The following CSTF3 variants were observed in gnomAD, a reference collection of about 807,000 sequenced individuals.
CSTF3 encodes cleavage stimulation factor subunit 3, also known as CF-1 77 kDa subunit.
Under a neutral mutation model 105.8 loss-of-function variants are expected in CSTF3, and 29 were observed. That is an observed-to-expected ratio of 0.27 (90% CI 0.20 to 0.37). The LOEUF (loss-of-function observed/expected upper bound fraction) is 0.37, where lower values mean the gene tolerates loss of function less well. Ranked by LOEUF, CSTF3 falls within the 10% of genes least tolerant of loss-of-function variation. CSTF3 has a pLI of 1.00. For missense variants in CSTF3, 357 were observed against 879.3 expected, an observed-to-expected ratio of 0.41 and a Z score of 7.51; for synonymous variants, 252 against 281.9, an observed-to-expected ratio of 0.89 and a Z score of 1.06.
At chr11:33,116,232 A>G (rs1367384320) in intron 3 of CSTF3, among the ~76,000 whole-genome samples, 1 of 152,194 alleles carries the variant, frequency 6.6e-6, no homozygotes, top group East Asian at 1.9e-4. Flanking sequence ...AGCCAACTAA[A>G]AAGTATTTGT....
intron 1 of CSTF3, among the ~76,000 whole-genome samples, chr11:33,146,950 G>A (rs188512451): frequency 8.5e-5 from 13 of 152,184 alleles, no homozygotes; most frequent in South Asian, 4.1e-4. Flanking sequence ...AGGACCGCTT[G>A]AGGCCAGAAG....
chr11:33,155,864 TA>T (rs140148744), intron 1 of CSTF3, among the ~76,000 whole-genome samples: 19,736 of 148,868 alleles, frequency 0.13, 2,993 homozygotes, highest in African/African-American at 0.38. Context: ...ATCGAAGATT[TA>T]AAAAAAAAAG....
intron 10 of CSTF3, among the ~76,000 whole-genome samples, chr11:33,101,320 G>C (rs1178414889): frequency 6.6e-6 from 1 of 152,108 alleles, no homozygotes; most frequent in African/African-American, 2.4e-5. Context: ...ACATACACAG[G>C]GAAGAATACA....
intron 1 of CSTF3, among the ~76,000 whole-genome samples, chr11:33,148,954 G>A (rs987433520): frequency 6.7e-6 from 1 of 149,160 alleles, no homozygotes; most frequent in Admixed American, 6.8e-5. Context: ...AGCCTCCCAC[G>A]TAGCTGGGAC....
chr11:33,092,198 C>G, intron 16 of CSTF3, 73 bp downstream of exon 16: 1 of 1,001,792 alleles, frequency 1.0e-6, no homozygotes, highest in Non-Finnish European at 1.5e-6. Context: ...AGCAAACATT[C>G]ACCCCATAGA....
Position 33,161,348 on chromosome 11 carries a change from C to T in CSTF3, c.-23G>A. ...CATGGCCTCAGCTGATTACAACGTG[C>T]GCACTGACCGTCGATGGGAAGCTAG... On this transcript the variant is annotated 5_prime_UTR_variant, in exon 1 of 21. Transcript: ENST00000323959. The T allele has an allele frequency of 6.2e-7, 1 of 1,611,956 alleles. No individual in the cohort carries two copies. The highest frequency in any genetic ancestry group is 8.5e-7 in the Non-Finnish European group (1 of 1,179,884).
intron 3 of CSTF3, among the ~76,000 whole-genome samples, chr11:33,138,983 G>C (rs569852322): frequency 1.3e-5 from 2 of 151,890 alleles, no homozygotes; most frequent in African/African-American, 4.8e-5. Context: ...AATTCAGAAT[G>C]ACATTTTAAA....
At chr11:33,104,092 G>T (rs1389846358) in intron 8 of CSTF3, among the ~76,000 whole-genome samples, 1 of 152,178 alleles carries the variant, frequency 6.6e-6, no homozygotes, top group Non-Finnish European at 1.5e-5. Flanking sequence ...CTCCCAAAGT[G>T]CTGGGATTAC....
intron 3 of CSTF3, chr11:33,141,442 C>G: frequency 7.8e-7 from 1 of 1,280,620 alleles, no homozygotes; most frequent in Non-Finnish European, 9.8e-7. Context: ...ACCATTGAAA[C>G]TGTTTTAATG....
chr11:33,093,994 C>T (rs766408570), intron 15 of CSTF3, among the ~76,000 whole-genome samples: 1 of 152,208 alleles, frequency 6.6e-6, no homozygotes, highest in Non-Finnish European at 1.5e-5. Flanking sequence ...GTGTGAGCCA[C>T]CACACCCAGC....
intron 3 of CSTF3, among the ~76,000 whole-genome samples, chr11:33,127,680 T>C (rs1291900585): frequency 6.6e-6 from 1 of 152,182 alleles, no homozygotes; most frequent in Non-Finnish European, 1.5e-5. Flanking sequence ...CAGGCTAGAG[T>C]GCAATGGCGC....
intron 1 of CSTF3, among the ~76,000 whole-genome samples, chr11:33,144,221 T>G (rs1328184665): frequency 6.6e-6 from 1 of 152,220 alleles, no homozygotes; most frequent in African/African-American, 2.4e-5. Flanking sequence ...TCAGATTTTT[T>G]TAATTACCTA....
At position 33,087,281 on chromosome 11, in the gene CSTF3, A is replaced by G. The variant is rs949380698; in HGVS notation, c.1642-140T>C. ...ATGGAGACGGATAAGCAAGGACTCT[A>G]ATGATGGTAAAGATTGTTACTCAAC... is the stretch of plus-strand genomic sequence containing the variant. On this transcript the variant is annotated intron_variant, in intron 17 of 20. Coordinates refer to ENST00000323959, the MANE Select transcript of CSTF3 (RefSeq NM_001326.3). The G allele has an allele frequency of 2.1e-5, 17 of 820,332 alleles. No homozygotes were observed. The Admixed American group carries it at 4.4e-4, about 21-fold the overall frequency. The allele number at this position is 820,332 out of a possible 1,614,324, so 50.8% of individuals were successfully genotyped here.
chr11:33,154,385 AT>A (rs1174255581), intron 1 of CSTF3, among the ~76,000 whole-genome samples: 1 of 152,154 alleles, frequency 6.6e-6, no homozygotes, highest in Non-Finnish European at 1.5e-5. Flanking sequence ...TTGCTAAAAT[AT>A]TAAGAAAACT....
At chr11:33,087,187 C>T (rs1414708520) in intron 17 of CSTF3, 46 bp from the exon 18 acceptor site, 1 of 1,596,990 alleles carries the variant, frequency 6.3e-7, no homozygotes, top group East Asian at 2.2e-5. Context: ...AAAGGGACTA[C>T]TAGAGAATAA....
intron 3 of CSTF3, among the ~76,000 whole-genome samples, chr11:33,130,114 G>A (rs1332716075): frequency 6.6e-6 from 1 of 152,212 alleles, no homozygotes; most frequent in East Asian, 1.9e-4. Context: ...TACAGAGCTA[G>A]ATATTGTGCC....
chr11:33,132,995 A>AAC (rs1269297192), intron 3 of CSTF3, among the ~76,000 whole-genome samples: 1 of 152,064 alleles, frequency 6.6e-6, no homozygotes, highest in East Asian at 1.9e-4. Flanking sequence ...AACAATTTTT[A>AAC]AGTTTTCTTC....
At chr11:33,110,384 G>A (rs929166766) in intron 3 of CSTF3, among the ~76,000 whole-genome samples, 1 of 152,158 alleles carries the variant, frequency 6.6e-6, no homozygotes, top group Admixed American at 6.6e-5. Flanking sequence ...ACATTTGAGG[G>A]GTTCCAAATT....
At chr11:33,130,318 C>T (rs897950948) in intron 3 of CSTF3, among the ~76,000 whole-genome samples, 1 of 151,870 alleles carries the variant, frequency 6.6e-6, no homozygotes, top group Non-Finnish European at 1.5e-5. Flanking sequence ...ACTAAAGATA[C>T]AAAAATTAGC....
Sources: allele counts gnomAD v4.1 joint callset (sites outside exome capture counted in the v4.1 genomes callset), GRCh38; gene constraint gnomAD v4.1.1; transcripts MANE v1.5; gene names NCBI Gene and HGNC (gene_info 2026-07-23, HGNC 2026-07-21).